Variants in TTPA observed in about 807,000 individuals in gnomAD.
TTPA encodes the protein alpha tocopherol transfer protein.
In TTPA, 23 loss-of-function variants were observed where a neutral mutation model predicts 25.9. The observed-to-expected ratio is 0.89, with a 90% CI of 0.64 to 1.26. TTPA has a LOEUF of 1.26. Ranked by LOEUF, TTPA falls within the 50% of genes most tolerant of loss-of-function variation. TTPA has a pLI of 0.00. For missense variants in TTPA, 337 were observed against 353.1 expected (o/e 0.95, Z 0.37); for synonymous variants, 148 against 137.3 (o/e 1.08, Z -0.54).
intron 2 of TTPA, among the ~76,000 whole-genome samples, chr8:63,069,047 T>G (rs1246237676): frequency 2.2e-4 from 33 of 152,022 alleles, no homozygotes; most frequent in Non-Finnish European, 2.9e-5. Flanking sequence ...CCCAGCTACT[T>G]GGGAAGCTGA....
intron 1 of TTPA, among the ~76,000 whole-genome samples, chr8:63,084,746 T>G (rs902976924): frequency 2.0e-5 from 3 of 152,230 alleles, no homozygotes; most frequent in Non-Finnish European, 2.9e-5. Context: ...TGTTAGAAAC[T>G]TACTTTTCAC....
chr8:63,072,067 A>C (rs1026008238), intron 2 of TTPA, among the ~76,000 whole-genome samples: 1 of 152,098 alleles, frequency 6.6e-6, no homozygotes, highest in African/African-American at 2.4e-5. Flanking sequence ...ACCCTCCTCC[A>C]CCCAAGAGAA....
intron 1 of TTPA, among the ~76,000 whole-genome samples, chr8:63,080,598 T>C (rs1023388338): frequency 2.0e-5 from 3 of 151,524 alleles, no homozygotes; most frequent in Non-Finnish European, 4.4e-5. Context: ...GGCGGGCGTC[T>C]GTAGTCCCAG....
Position 63,065,995 on chromosome 8 carries a change from A to G in TTPA, c.461T>C (p.Ile154Thr). 6.2e-7 allele frequency: 1 copy of G among 1,614,110 alleles called. No homozygotes were observed. The highest frequency in any genetic ancestry group is 8.5e-7 in the Non-Finnish European group (1 of 1,179,992). The change falls in exon 3 of 5, where the codon ATC becomes ACC. Residue 154 changes from isoleucine to threonine, a missense_variant. Ile to Thr is a moderately conservative substitution (Grantham distance 89). Transcript: ENST00000260116. ...ACCTTCCAGATCAAAGATAGCCTTG[A>G]TTCCATTCCGCTGAGTTTCTACCTC... is the stretch of plus-strand genomic sequence containing the variant. Reference protein sequence around the residue: ...VQEVETQRNGIKAIFDLEGWQ... With the variant: ...VQEVETQRNGTKAIFDLEGWQ...
At position 63,085,863 on chromosome 8, in the gene TTPA, C is replaced by T. The variant is rs1272550384; in HGVS notation, c.159G>A (p.Leu53=). 6.5e-7 allele frequency: 1 copy of T among 1,535,746 alleles called. No homozygotes were observed. Among genetic ancestry groups the T allele is most frequent in the Non-Finnish European group, 8.7e-7 (1 of 1,145,378 alleles). The change falls in exon 1 of 5, where the codon CTG becomes CTA. Residue 53 remains leucine (L), a synonymous_variant. Coordinates refer to ENST00000260116, the MANE Select transcript of TTPA (RefSeq NM_000370.3). ...APLPLTDSFL[L]RFLRARDFDL... is the part of the protein sequence containing the mutation. ...CGAAATCCCGGGCGCGCAGGAACCG[C>T]AGCAGGAAGGAGTCGGTGAGCGGCA...
chr8:63,084,211 A>C (rs760799199), intron 1 of TTPA, among the ~76,000 whole-genome samples: 52 of 152,092 alleles, frequency 3.4e-4, no homozygotes, highest in Admixed American at 5.9e-4. Context: ...TCTTTGGAAG[A>C]CAGTTTGTTA....
chr8:63,069,485 T>C (rs1805448824), intron 2 of TTPA, among the ~76,000 whole-genome samples: 1 of 151,964 alleles, frequency 6.6e-6, no homozygotes, highest in African/African-American at 2.4e-5. Context: ...ATCCCAGCAC[T>C]TTGTGGGTCT....
At position 63,061,088 on chromosome 8, in the gene TTPA, A is replaced by C. The variant is rs951598591; in HGVS notation, c.*164T>G. ...GAAAAAAGCATTTAAAAAGTAAAAA[A>C]TCTTTCCAAACACCTGTGTTGCTCA... On this transcript the variant is annotated 3_prime_UTR_variant, in exon 5 of 5. Transcript: ENST00000260116. 8.6e-6 allele frequency: 6 copies of C among 700,474 alleles called. No homozygotes were observed. Among genetic ancestry groups the C allele is most frequent in the Non-Finnish European group, 1.2e-5 (5 of 426,732 alleles). 43.4% of individuals were successfully genotyped at this position (700,474 alleles called of 1,614,324 possible).
intron 2 of TTPA, among the ~76,000 whole-genome samples, chr8:63,069,690 G>A (rs1805451982): frequency 6.6e-6 from 1 of 150,914 alleles, no homozygotes; most frequent in African/African-American, 2.4e-5. Context: ...AGCTATGATT[G>A]TGCCACTGCA....
In TTPA at chr8:63,061,288, T is replaced by A; in HGVS notation, c.801A>T (p.Glu267Asp). 1 of 1,613,860 alleles carries A rather than the reference T, an allele frequency of 6.2e-7. No individual in the cohort carries two copies. Among genetic ancestry groups the A allele is most frequent in the Non-Finnish European group, 8.5e-7 (1 of 1,179,932 alleles). ...TCTCAGAAATGCTGCTGAGATAATC[T>A]TCAGACTTCATTATAAAATTTGTCC... ...QEWTNFIMKSEDYLSSISESI... is the reference protein window; with the variant it reads ...QEWTNFIMKSDDYLSSISESI... Residue 267 changes from glutamate (E) to aspartate (D), a missense_variant, in exon 5 of 5, where the codon GAA becomes GAT. Coordinates refer to ENST00000260116, the MANE Select transcript of TTPA (RefSeq NM_000370.3).
downstream of TTPA, among the ~76,000 whole-genome samples, chr8:63,059,160 T>C (rs902762340): frequency 3.4e-5 from 5 of 146,818 alleles, no homozygotes; most frequent in Non-Finnish European, 7.5e-5. Flanking sequence ...GCCTCCCAAG[T>C]AGCTGGGACT....
At chr8:63,084,879 GT>G (rs1805723396) in intron 1 of TTPA, among the ~76,000 whole-genome samples, 1 of 152,228 alleles carries the variant, frequency 6.6e-6, no homozygotes, top group African/African-American at 2.4e-5. Flanking sequence ...TCTTAATAAA[GT>G]TGCTTTCACT....
chr8:63,071,697 C>A (rs749519369), intron 2 of TTPA, among the ~76,000 whole-genome samples: 1 of 152,116 alleles, frequency 6.6e-6, no homozygotes, highest in Non-Finnish European at 1.5e-5. Context: ...ATGGAACCCT[C>A]ATGAATGGGA....
chr8:63,075,477 T>G (rs990320628), intron 1 of TTPA, among the ~76,000 whole-genome samples: 1 of 151,976 alleles, frequency 6.6e-6, no homozygotes, highest in African/African-American at 2.4e-5. Flanking sequence ...CCCAGCACTT[T>G]GGGAGGCCAA....
intron 2 of TTPA, among the ~76,000 whole-genome samples, chr8:63,068,216 A>G (rs1805427310): frequency 6.6e-6 from 1 of 152,206 alleles, no homozygotes; most frequent in Non-Finnish European, 1.5e-5. Context: ...GTTTTTCTCT[A>G]TCAAAGCAGA....
chr8:63,077,150 A>C (rs1221429034), intron 1 of TTPA, among the ~76,000 whole-genome samples: 2 of 152,228 alleles, frequency 1.3e-5, no homozygotes, highest in African/African-American at 4.8e-5. Flanking sequence ...AAAATACATA[A>C]AAATATTTTA....
chr8:63,067,646 T>C (rs920391951), intron 2 of TTPA, among the ~76,000 whole-genome samples: 12 of 151,998 alleles, frequency 7.9e-5, no homozygotes, highest in African/African-American at 2.7e-4. Context: ...AGGGGGTGCA[T>C]GTGCAGATTT....
chr8:63,065,778 C>T, intron 3 of TTPA, 126 bp downstream of exon 3: 4 of 1,074,710 alleles, frequency 3.7e-6, no homozygotes, highest in Non-Finnish European at 5.4e-6. Context: ...GAATTCTACA[C>T]ATCATTTCCA....
intron 1 of TTPA, among the ~76,000 whole-genome samples, chr8:63,083,594 C>A (rs1379191707): frequency 1.3e-5 from 2 of 150,872 alleles, no homozygotes; most frequent in African/African-American, 4.9e-5. Context: ...ATGTATCAAA[C>A]CTGCACATTG....
Sources: allele counts gnomAD v4.1 joint callset (sites outside exome capture counted in the v4.1 genomes callset), GRCh38; gene constraint gnomAD v4.1.1; transcripts MANE v1.5; gene names NCBI Gene and HGNC (gene_info 2026-07-23, HGNC 2026-07-21).